DCDC1: variants seen among roughly 807,000 people sequenced by gnomAD.
The protein encoded by DCDC1 is doublecortin domain-containing protein 1.
A neutral mutation model predicts 178.3 loss-of-function variants in DCDC1; 200 were observed. The observed-to-expected ratio is 1.12, with a 90% CI of 1.00 to 1.26. The LOEUF (loss-of-function observed/expected upper bound fraction) is 1.26, where lower values mean the gene tolerates loss of function less well. DCDC1 is among the 50% of genes most tolerant of loss of function. The pLI is 0.00. For missense variants in DCDC1, 1,983 were observed against 1,749.2 expected (o/e 1.13, Z -2.38); for synonymous variants, 690 against 604.8 (o/e 1.14, Z -2.07).
At chr11:31,023,397 C>T (rs1008876537) in intron 20 of DCDC1, among the ~76,000 whole-genome samples, 4 of 151,978 alleles carry the variant, frequency 2.6e-5, no homozygotes, top group Admixed American at 6.6e-5. Flanking sequence ...AATTGGCTGC[C>T]GTCTCAATTC....
At chr11:31,246,034 T>C (rs1396679194) in intron 8 of DCDC1, among the ~76,000 whole-genome samples, 1 of 151,878 alleles carries the variant, frequency 6.6e-6, no homozygotes, top group Admixed American at 6.6e-5. Flanking sequence ...TCATGATCTA[T>C]ACCGAGGGAA....
chr11:30,901,559 G>A (rs1435127802), intron 32 of DCDC1, among the ~76,000 whole-genome samples: 1 of 152,106 alleles, frequency 6.6e-6, no homozygotes, highest in Non-Finnish European at 1.5e-5. Context: ...ATAACATCAA[G>A]TCACAATTCC....
chr11:31,039,452 G>A (rs1175795857), intron 20 of DCDC1, among the ~76,000 whole-genome samples: 1 of 152,092 alleles, frequency 6.6e-6, no homozygotes, highest in Non-Finnish European at 1.5e-5. Context: ...CTTTGACCTT[G>A]AACAACCTTC....
chr11:31,118,031 C>T (rs1960228913), intron 11 of DCDC1, among the ~76,000 whole-genome samples: 1 of 151,920 alleles, frequency 6.6e-6, no homozygotes, highest in Admixed American at 6.6e-5. Flanking sequence ...TTTCCTGGCA[C>T]CAATATATTT....
intron 20 of DCDC1, among the ~76,000 whole-genome samples, chr11:31,027,594 T>C (rs1368454987): frequency 6.6e-6 from 1 of 151,892 alleles, no homozygotes; most frequent in Admixed American, 6.6e-5. Flanking sequence ...GGTTGAATAA[T>C]ATTAGCCAAA....
At chr11:31,216,013 C>A (rs1973511667) in intron 9 of DCDC1, among the ~76,000 whole-genome samples, 1 of 152,098 alleles carries the variant, frequency 6.6e-6, no homozygotes, top group Non-Finnish European at 1.5e-5. Flanking sequence ...GATGGAGTTC[C>A]TGCCCTCTTC....
chr11:31,160,461 G>A (rs1966209312), intron 9 of DCDC1, among the ~76,000 whole-genome samples: 1 of 151,940 alleles, frequency 6.6e-6, no homozygotes, highest in Non-Finnish European at 1.5e-5. Flanking sequence ...GTTCTTTGGA[G>A]GATTATAGAT....
chr11:30,944,272 C>T (rs1479098339), intron 21 of DCDC1: 2 of 455,404 alleles, frequency 4.4e-6, no homozygotes, highest in Non-Finnish European at 8.8e-6. Context: ...ATAGCTTATA[C>T]TTCTTAATCT....
intron 7 of DCDC1, among the ~76,000 whole-genome samples, chr11:31,276,156 A>G (rs1187277566): frequency 4.3e-5 from 3 of 70,190 alleles, no homozygotes; most frequent in African/African-American, 1.2e-4. Flanking sequence ...AACTGACAGA[A>G]AAATACATTT....
At chr11:31,012,750 T>A (rs1336659944) in intron 20 of DCDC1, among the ~76,000 whole-genome samples, 1 of 152,068 alleles carries the variant, frequency 6.6e-6, no homozygotes, top group African/African-American at 2.4e-5. Context: ...TAACCATAAG[T>A]AAATCTTAAA....
chr11:30,873,119 C>T (rs921425840), intron 38 of DCDC1, among the ~76,000 whole-genome samples: 1 of 150,600 alleles, frequency 6.6e-6, no homozygotes. Flanking sequence ...CTCTCTCTCT[C>T]TATCTTCTGC....
At chr11:31,085,940 C>A (rs1401118893) in intron 17 of DCDC1, among the ~76,000 whole-genome samples, 1 of 152,062 alleles carries the variant, frequency 6.6e-6, no homozygotes, top group African/African-American at 2.4e-5. Flanking sequence ...GTTGCCCAGG[C>A]TGGTCTCAAA....
intron 38 of DCDC1, 48 bp downstream of exon 38, chr11:30,878,496 A>G (rs1230314377): frequency 7.2e-7 from 1 of 1,390,224 alleles, no homozygotes; most frequent in African/African-American, 1.5e-5. Context: ...AAAAGAGATA[A>G]ATAATCATAA....
intron 3 of DCDC1, among the ~76,000 whole-genome samples, chr11:31,327,132 T>G (rs1949688937): frequency 6.6e-6 from 1 of 152,124 alleles, no homozygotes; most frequent in Admixed American, 6.6e-5. Flanking sequence ...ACAAAGGTAT[T>G]GAGACTATCA....
At position 31,305,667 on chromosome 11, in the gene DCDC1, A is replaced by G; in HGVS notation, c.702T>C (p.Asp234=). ...LEPEDIPHEA[D]VYVSTGEPFL... ...AGGGCTCTCCCGTTGAAACATAAAC[A>G]TCGGCTTCATGGGGTATATCTTCAG... The change falls in exon 6 of 39, where the codon GAT becomes GAC. Residue 234 remains aspartate, a synonymous_variant. Coordinates refer to ENST00000684477, the MANE Select transcript of DCDC1 (RefSeq NM_001387274.1). 3.7e-6 allele frequency: 6 copies of G among 1,613,950 alleles called. No homozygotes were observed. Among genetic ancestry groups the G allele is most frequent in the Non-Finnish European group, 4.2e-6 (5 of 1,179,874 alleles).
chr11:31,219,898 G>T (rs948298725), intron 9 of DCDC1, among the ~76,000 whole-genome samples: 17 of 151,940 alleles, frequency 1.1e-4, no homozygotes, highest in Admixed American at 1.1e-3. Flanking sequence ...TGAAAACAGG[G>T]GTTAGTTAAC....
At chr11:31,056,380 G>A (rs1272393567) in intron 20 of DCDC1, among the ~76,000 whole-genome samples, 1 of 151,918 alleles carries the variant, frequency 6.6e-6, no homozygotes, top group East Asian at 1.9e-4. Context: ...GGAATAGATG[G>A]ACTAAATATT....
intron 8 of DCDC1, among the ~76,000 whole-genome samples, chr11:31,252,788 A>G (rs1944139076): frequency 6.6e-6 from 1 of 152,104 alleles, no homozygotes; most frequent in South Asian, 2.1e-4. Context: ...AAATATTTAA[A>G]AGAATAGATT....
At chr11:31,024,462 A>C (rs570904921) in intron 20 of DCDC1, among the ~76,000 whole-genome samples, 1 of 152,116 alleles carries the variant, frequency 6.6e-6, no homozygotes, top group South Asian at 2.1e-4. Flanking sequence ...AATGTTTTTT[A>C]AAAAGAATTA....
Sources: allele counts gnomAD v4.1 joint callset (sites outside exome capture counted in the v4.1 genomes callset), GRCh38; gene constraint gnomAD v4.1.1; transcripts MANE v1.5; gene names NCBI Gene and HGNC (gene_info 2026-07-23, HGNC 2026-07-21).